ZBTB20: variants seen among roughly 807,000 people sequenced by gnomAD.
ZBTB20 encodes zinc finger and BTB domain-containing protein 20.
ZBTB20 carries 9 observed loss-of-function variants against 56.9 expected under a neutral mutation model. The observed-to-expected ratio is 0.16, with a 90% CI of 0.10 to 0.28. ZBTB20 has a LOEUF of 0.28. ZBTB20 is among the 10% of genes least tolerant of loss of function. The pLI is 1.00. For synonymous variants in ZBTB20, 417 were observed against 420.7 expected (o/e 0.99, Z 0.11); for missense variants, 655 against 1,003.0 (o/e 0.65, Z 4.69).
chr3:114,827,322 T>C (rs2073584593), intron 4 of ZBTB20, among the ~76,000 whole-genome samples: 1 of 151,616 alleles, frequency 6.6e-6, no homozygotes, highest in Non-Finnish European at 1.5e-5. Context: ...ATTAATACAG[T>C]TTCTGTATAT....
At chr3:114,378,199 A>T (rs2083883879) in intron 10 of ZBTB20, among the ~76,000 whole-genome samples, 1 of 152,246 alleles carries the variant, frequency 6.6e-6, no homozygotes, top group African/African-American at 2.4e-5. Flanking sequence ...CTCCAAATGG[A>T]CAGATTTCTG....
chr3:114,464,545 A>G lies in ZBTB20; in HGVS notation c.-255+35807T>C, dbSNP rs1375396150. On this transcript the variant is annotated intron_variant, in intron 7 of 11. Coordinates refer to ENST00000675478, the MANE Select transcript of ZBTB20 (RefSeq NM_001348800.3). ...TGCACTCTCCCACAAACACATTTGC[A>G]CATCTTTAAACTTAGATTAATGCAA... Among the ~76,000 whole-genome samples the G allele has an allele frequency of 3.3e-5, 5 of 152,360 alleles. No homozygotes were observed. In the East Asian group the frequency reaches 5.8e-4, roughly 18 times the overall value.
At chr3:114,954,299 TTTA>T (rs1342023837) in intron 3 of ZBTB20, among the ~76,000 whole-genome samples, 1 of 152,164 alleles carries the variant, frequency 6.6e-6, no homozygotes, top group Non-Finnish European at 1.5e-5. Flanking sequence ...AAGTGGCCCT[TTTA>T]ATAATGTGAA....
At position 114,395,246 on chromosome 3, in the gene ZBTB20, T is replaced by G. The variant is rs79029938; in HGVS notation, c.-254-6141A>C. On this transcript the variant is annotated intron_variant, in intron 7 of 11. Coordinates refer to ENST00000675478, the MANE Select transcript of ZBTB20 (RefSeq NM_001348800.3). ...TCATAAAAAGGATACATCTAAGAAA[T>G]ATTTAGCAGAGAGGTCATTGTGGGG... 1.8e-4 allele frequency among the ~76,000 whole-genome samples: 28 copies of G among 152,076 alleles called. 1 individual carries two copies. In the East Asian group the frequency reaches 4.6e-3, roughly 25 times the overall value.
At chr3:114,587,475 A>T (rs988090204) in intron 6 of ZBTB20, among the ~76,000 whole-genome samples, 1 of 152,216 alleles carries the variant, frequency 6.6e-6, no homozygotes, top group Non-Finnish European at 1.5e-5. Context: ...TGTTACAGAA[A>T]GCGATAATAG....
intron 6 of ZBTB20, chr3:114,582,267 C>T (rs967479737): frequency 6.6e-6 from 1 of 152,006 alleles, no homozygotes; most frequent in Non-Finnish European, 1.5e-5. Context: ...TGTATGTAAC[C>T]TATAATAAAA....
intron 2 of ZBTB20, among the ~76,000 whole-genome samples, chr3:114,981,063 AG>A (rs2078306454): frequency 6.6e-6 from 1 of 152,042 alleles, no homozygotes; most frequent in Admixed American, 6.6e-5. Context: ...GGAAGTCAGA[AG>A]GGCCTCTGGG....
intron 6 of ZBTB20, among the ~76,000 whole-genome samples, chr3:114,653,782 C>A (rs1328525767): frequency 6.6e-6 from 1 of 151,928 alleles, no homozygotes; most frequent in East Asian, 1.9e-4. Flanking sequence ...CTTTTGACGA[C>A]AAATTCAATT....
intron 4 of ZBTB20, among the ~76,000 whole-genome samples, chr3:114,854,030 T>C (rs2075128392): frequency 6.6e-6 from 1 of 152,204 alleles, no homozygotes; most frequent in South Asian, 2.1e-4. Flanking sequence ...AACAAATAAG[T>C]GACTTGATAT....
intron 7 of ZBTB20, among the ~76,000 whole-genome samples, chr3:114,425,634 C>T (rs987383347): frequency 5.9e-5 from 9 of 152,042 alleles, no homozygotes; most frequent in Non-Finnish European, 8.8e-5. Context: ...ATCTTAAGGC[C>T]ATAGTTTTTT....
At chr3:114,867,428 T>G (rs1260499097) in intron 4 of ZBTB20, among the ~76,000 whole-genome samples, 1 of 152,180 alleles carries the variant, frequency 6.6e-6, no homozygotes, top group Non-Finnish European at 1.5e-5. Context: ...AAGGTCAAGT[T>G]TGTTTAGTGC....
intron 4 of ZBTB20, among the ~76,000 whole-genome samples, chr3:114,869,212 T>C (rs1485783181): frequency 6.6e-6 from 1 of 152,134 alleles, no homozygotes; most frequent in Non-Finnish European, 1.5e-5. Context: ...AAAAAAATGA[T>C]CCTCAAAACT....
intron 7 of ZBTB20, among the ~76,000 whole-genome samples, chr3:114,401,963 G>C (rs1312886592): frequency 1.3e-5 from 2 of 152,090 alleles, no homozygotes; most frequent in African/African-American, 2.4e-5. Flanking sequence ...TCACTTAAAG[G>C]CTGTATTTTT....
At chr3:115,041,003 C>A (rs2081118941) in intron 2 of ZBTB20, among the ~76,000 whole-genome samples, 1 of 152,030 alleles carries the variant, frequency 6.6e-6, no homozygotes, top group Non-Finnish European at 1.5e-5. Context: ...GACTGATTGG[C>A]ATGAAGTAAT....
intron 2 of ZBTB20, among the ~76,000 whole-genome samples, chr3:115,028,152 G>A (rs770056470): frequency 6.0e-5 from 9 of 150,718 alleles, no homozygotes; most frequent in Non-Finnish European, 1.0e-4. Flanking sequence ...CATATCATTT[G>A]ACCAATATCT....
At chr3:114,488,032 A>G (rs1194125971) in intron 7 of ZBTB20, among the ~76,000 whole-genome samples, 1 of 152,198 alleles carries the variant, frequency 6.6e-6, no homozygotes, top group African/African-American at 2.4e-5. Flanking sequence ...AGCGCTGATG[A>G]TAATTTTTAC....
intron 2 of ZBTB20, among the ~76,000 whole-genome samples, chr3:115,045,344 T>C (rs1438555581): frequency 6.6e-6 from 1 of 152,004 alleles, no homozygotes; most frequent in East Asian, 1.9e-4. Context: ...AAAACAGAGG[T>C]AATTTTTTTG....
intron 1 of ZBTB20, among the ~76,000 whole-genome samples, chr3:115,113,596 A>G (rs1000515360): frequency 2.6e-5 from 4 of 152,234 alleles, no homozygotes; most frequent in African/African-American, 9.6e-5. Context: ...AGTGCAGAAC[A>G]ACAGCAGCCA....
intron 1 of ZBTB20, among the ~76,000 whole-genome samples, chr3:115,120,480 G>C (rs1264554062): frequency 2.6e-5 from 4 of 152,016 alleles, no homozygotes; most frequent in African/African-American, 9.7e-5. Flanking sequence ...AAAATTTTTT[G>C]AGTCAATAGG....
Sources: gnomAD v4.1 joint callset for allele counts (sites outside exome capture counted in the v4.1 genomes callset) on GRCh38, gnomAD v4.1.1 for gene constraint, MANE v1.5 for transcripts, NCBI Gene and HGNC (gene_info 2026-07-23, HGNC 2026-07-21) for gene names.